KIAA0825: variants seen among roughly 807,000 people sequenced by gnomAD.
KIAA0825 encodes uncharacterized protein KIAA0825.
Under a neutral mutation model 147.6 loss-of-function variants are expected in KIAA0825, and 119 were observed. That is an observed-to-expected ratio of 0.81 (90% CI 0.69 to 0.94). The LOEUF is 0.94. KIAA0825 is among the 40% of genes least tolerant of loss of function. The pLI, the probability that KIAA0825 is intolerant of heterozygous loss-of-function variation, is 0.00. For synonymous variants in KIAA0825, 470 were observed against 518.1 expected (o/e 0.91, Z 1.26); for missense variants, 1,381 against 1,472.7 (o/e 0.94, Z 1.02).
chr5:94,416,385 C>T (rs1753468233), intron 15 of KIAA0825: 1 of 151,866 alleles, frequency 6.6e-6, no homozygotes, highest in Non-Finnish European at 1.5e-5. Context: ...TATATGGAGC[C>T]TAGGAAATAT....
intron 20 of KIAA0825, among the ~76,000 whole-genome samples, chr5:94,300,206 G>A (rs1266270644): frequency 4.6e-5 from 7 of 151,910 alleles, no homozygotes; most frequent in Non-Finnish European, 1.0e-4. Flanking sequence ...CATGCACTAA[G>A]GTTGTATAAT....
In KIAA0825 at chr5:94,495,573, G is replaced by A. The variant is rs1285908868; in HGVS notation, c.971-10643C>T. Among the ~76,000 whole-genome samples the A allele has an allele frequency of 2.0e-5, 3 of 152,276 alleles. No individual in the cohort carries two copies. In the South Asian group the frequency reaches 6.2e-4, roughly 32 times the overall value. ...AGAGTCAGATCTGAAAGCAGAGTGGGGTGACTAAGGAGGGCCATACCTCAC... is the reference window on the plus strand; with the variant it reads ...AGAGTCAGATCTGAAAGCAGAGTGGAGTGACTAAGGAGGGCCATACCTCAC... On this transcript the variant is annotated intron_variant, in intron 5 of 20. Transcript: ENST00000682413.
At position 94,151,520 on chromosome 5, in the gene KIAA0825, A is replaced by G. The variant is rs1422689974; in HGVS notation, c.*2487T>C. ...TGTCACCTAATACTCTCAATTATAA[A>G]CTTTATTGCACTTATGGCTATAATA... On this transcript the variant is annotated 3_prime_UTR_variant, in exon 21 of 21. Transcript: ENST00000682413. 6.6e-6 allele frequency among the ~76,000 whole-genome samples: 1 copy of G among 151,960 alleles called. No homozygotes were observed. The highest frequency in any genetic ancestry group is 2.4e-5 in the African/African-American group (1 of 41,384).
chr5:94,327,128 T>A (rs770159582), intron 20 of KIAA0825, among the ~76,000 whole-genome samples: 1 of 152,198 alleles, frequency 6.6e-6, no homozygotes, highest in African/African-American at 2.4e-5. Flanking sequence ...ACAGCAAGAT[T>A]GCTTTAAATG....
chr5:94,373,445 AAG>A (rs1309308452), intron 20 of KIAA0825, among the ~76,000 whole-genome samples: 2 of 152,212 alleles, frequency 1.3e-5, no homozygotes, highest in Non-Finnish European at 2.9e-5. Flanking sequence ...TTATAAAGGA[AAG>A]AGGTTTAATT....
intron 7 of KIAA0825, among the ~76,000 whole-genome samples, chr5:94,476,812 A>C (rs1256236082): frequency 6.6e-6 from 1 of 152,096 alleles, no homozygotes; most frequent in Non-Finnish European, 1.5e-5. Context: ...TTTTCTCGCT[A>C]TTCGACAATT....
intron 2 of KIAA0825, among the ~76,000 whole-genome samples, chr5:94,543,317 C>T (rs1016529179): frequency 1.3e-5 from 2 of 152,112 alleles, no homozygotes; most frequent in African/African-American, 4.8e-5. Context: ...GGGGCACATG[C>T]CTGTAATCCC....
intron 20 of KIAA0825, among the ~76,000 whole-genome samples, chr5:94,364,776 A>T (rs1452064075): frequency 6.6e-6 from 1 of 152,096 alleles, no homozygotes; most frequent in East Asian, 1.9e-4. Flanking sequence ...GAGGGTAATG[A>T]AGTCCTCGGT....
In KIAA0825 at chr5:94,417,222, C is replaced by A; in HGVS notation, c.2641G>T (p.Asp881Tyr). ...VSYMEEEQLWDFLYNIPVSTC... is the reference protein window; with the variant it reads ...VSYMEEEQLWYFLYNIPVSTC... ...ATACCTGGGATGTTATATAAAAAGT[C>A]CCATAATTGCTCTTCTTCCATGTAG... The change falls in exon 15 of 21, where the codon GAC becomes TAC. Residue 881 changes from aspartate to tyrosine, a missense_variant. Asp to Tyr is a radical substitution (Grantham distance 160). Transcript: ENST00000682413. 1 of 1,550,708 alleles carries A rather than the reference C, an allele frequency of 6.4e-7. No individual in the cohort carries two copies. Among genetic ancestry groups the A allele is most frequent in the Non-Finnish European group, 8.7e-7 (1 of 1,146,382 alleles).
chr5:94,383,141 G>C (rs1347536575), intron 20 of KIAA0825, among the ~76,000 whole-genome samples: 1 of 152,168 alleles, frequency 6.6e-6, no homozygotes, highest in East Asian at 1.9e-4. Flanking sequence ...TGTATGAATA[G>C]GGTACCTCTG....
chr5:94,613,837 G>A (rs1789624745), intron 1 of KIAA0825, among the ~76,000 whole-genome samples: 1 of 152,242 alleles, frequency 6.6e-6, no homozygotes, highest in South Asian at 2.1e-4. Flanking sequence ...ACAACGAGGT[G>A]AGAGGGAGGC....
At chr5:94,428,680 CT>C (rs1043829262) in intron 14 of KIAA0825, among the ~76,000 whole-genome samples, 1 of 152,102 alleles carries the variant, frequency 6.6e-6, no homozygotes, top group Admixed American at 6.5e-5. Flanking sequence ...CATTTAAGAT[CT>C]TTTTTTCTTT....
intron 2 of KIAA0825, among the ~76,000 whole-genome samples, chr5:94,542,881 G>C (rs1773618324): frequency 6.6e-6 from 1 of 152,168 alleles, no homozygotes; most frequent in Admixed American, 6.5e-5. Context: ...CCAGTTTCTG[G>C]TATTTTACCA....
chr5:94,369,974 A>G (rs1376520207), intron 20 of KIAA0825, among the ~76,000 whole-genome samples: 1 of 152,346 alleles, frequency 6.6e-6, no homozygotes, highest in South Asian at 2.1e-4. Context: ...TGGTACAACC[A>G]GCACTCCCAC....
chr5:94,296,117 A>G (rs1778120143), intron 20 of KIAA0825, among the ~76,000 whole-genome samples: 1 of 152,182 alleles, frequency 6.6e-6, no homozygotes, highest in Non-Finnish European at 1.5e-5. Context: ...GAGAGGAGGA[A>G]TCTAAAGAGG....
chr5:94,357,345 A>G (rs1047167317), intron 20 of KIAA0825, among the ~76,000 whole-genome samples: 1 of 152,204 alleles, frequency 6.6e-6, no homozygotes, highest in African/African-American at 2.4e-5. Context: ...AGAATAAAGG[A>G]GAGTAAATAA....
At chr5:94,411,388 G>C (rs1752747891) in intron 15 of KIAA0825, among the ~76,000 whole-genome samples, 1 of 152,112 alleles carries the variant, frequency 6.6e-6, no homozygotes. Flanking sequence ...GCATCTATTT[G>C]ATCACTTGGT....
intron 20 of KIAA0825, among the ~76,000 whole-genome samples, chr5:94,226,847 A>G (rs1171793318): frequency 6.6e-6 from 1 of 152,076 alleles, no homozygotes; most frequent in Non-Finnish European, 1.5e-5. Flanking sequence ...CCACAATGAG[A>G]TACCATCTCA....
At chr5:94,318,918 T>C (rs572510766) in intron 20 of KIAA0825, among the ~76,000 whole-genome samples, 1 of 151,890 alleles carries the variant, frequency 6.6e-6, no homozygotes, top group Non-Finnish European at 1.5e-5. Flanking sequence ...TACCCCTCCT[T>C]GTCCCCACAA....
Sources: gnomAD v4.1 joint callset for allele counts (sites outside exome capture counted in the v4.1 genomes callset) on GRCh38, gnomAD v4.1.1 for gene constraint, MANE v1.5 for transcripts, NCBI Gene and HGNC (gene_info 2026-07-23, HGNC 2026-07-21) for gene names.